RBFOX1: variants seen among roughly 807,000 people sequenced by gnomAD.
RBFOX1 encodes RNA binding fox-1 homolog 1.
A neutral mutation model predicts 57.7 loss-of-function variants in RBFOX1; 8 were observed. The ratio of observed to expected loss-of-function variants is 0.14; its 90% CI spans 0.08 to 0.25. The LOEUF (loss-of-function observed/expected upper bound fraction) is 0.25. Among genes scored for constraint, RBFOX1 ranks in the 10% least tolerant of loss-of-function variants. The probability of loss-of-function intolerance (pLI) is 1.00; values close to 1 mark genes in which losing one functional copy is unlikely to be tolerated. For synonymous variants in RBFOX1, 326 were observed against 222.4 expected (o/e 1.47, Z -4.15); for missense variants, 611 against 548.5 (o/e 1.11, Z -1.14).
intron 5 of RBFOX1, among the ~76,000 whole-genome samples, chr16:7,531,018 G>A (rs1392308775): frequency 6.6e-6 from 1 of 152,120 alleles, no homozygotes; most frequent in Non-Finnish European, 1.5e-5. Flanking sequence ...TCTTTCAGCA[G>A]TAAACCAAGG....
At chr16:6,846,913 T>G (rs1431212641) in intron 3 of RBFOX1, among the ~76,000 whole-genome samples, 1 of 143,804 alleles carries the variant, frequency 7.0e-6, no homozygotes, top group Non-Finnish European at 1.5e-5. Context: ...TAAATTACCC[T>G]AGGAAACAAA....
At chr16:5,792,153 G>T (rs1033689042) in intron 3 of RBFOX1, among the ~76,000 whole-genome samples, 6 of 152,142 alleles carry the variant, frequency 3.9e-5, no homozygotes, top group African/African-American at 1.4e-4. Context: ...CAGTCTAAGG[G>T]GCTGATAAAA....
chr16:5,728,387 G>T (rs2052234068), intron 3 of RBFOX1, among the ~76,000 whole-genome samples: 1 of 152,196 alleles, frequency 6.6e-6, no homozygotes, highest in Admixed American at 6.5e-5. Flanking sequence ...ACTCCTGTGT[G>T]CAAAGGAATG....
intron 4 of RBFOX1, among the ~76,000 whole-genome samples, chr16:7,281,837 C>T (rs2095549816): frequency 6.6e-6 from 1 of 151,980 alleles, no homozygotes; most frequent in African/African-American, 2.4e-5. Flanking sequence ...TCCTCCCTGC[C>T]TTCCTTTCTT....
chr16:7,033,777 G>A (rs747474048), intron 3 of RBFOX1, among the ~76,000 whole-genome samples: 2 of 152,068 alleles, frequency 1.3e-5, no homozygotes, highest in African/African-American at 2.4e-5. Flanking sequence ...GGACCAGCCT[G>A]AGTAACATAG....
chr16:5,733,356 G>A (rs1422888507), intron 3 of RBFOX1, among the ~76,000 whole-genome samples: 1 of 152,156 alleles, frequency 6.6e-6, no homozygotes, highest in African/African-American at 2.4e-5. Context: ...TGGGGGTCCA[G>A]GAAGGCCACT....
chr16:7,536,589 G>A (rs554024521), intron 5 of RBFOX1, among the ~76,000 whole-genome samples: 221 of 152,176 alleles, frequency 1.5e-3, no homozygotes, highest in African/African-American at 4.6e-3. Context: ...GTGAGACTTC[G>A]TCTCAAAAAA....
chr16:7,489,872 T>C (rs2066474862), intron 4 of RBFOX1, among the ~76,000 whole-genome samples: 1 of 152,130 alleles, frequency 6.6e-6, no homozygotes, highest in African/African-American at 2.4e-5. Flanking sequence ...AGATAACATT[T>C]TATTTCCACC....
At chr16:5,856,206 T>TACAC (rs1555547604) in intron 3 of RBFOX1, among the ~76,000 whole-genome samples, 527 of 40,504 alleles carry the variant, frequency 0.013, 27 homozygotes, top group African/African-American at 0.038. Context: ...TATATATATA[T>TACAC]ACATATATAT....
At chr16:6,673,036 A>G (rs1275100989) in intron 3 of RBFOX1, among the ~76,000 whole-genome samples, 1 of 152,216 alleles carries the variant, frequency 6.6e-6, no homozygotes, top group Non-Finnish European at 1.5e-5. Flanking sequence ...GGGGAAAGAC[A>G]GCTCCCTGAA....
At chr16:6,386,419 C>T (rs1403748563) in intron 2 of RBFOX1, among the ~76,000 whole-genome samples, 2 of 152,144 alleles carry the variant, frequency 1.3e-5, no homozygotes, top group Admixed American at 1.3e-4. Flanking sequence ...TGTGTATTGG[C>T]ATGAGGGAGT....
intron 7 of RBFOX1, among the ~76,000 whole-genome samples, chr16:7,588,434 A>T (rs957575747): frequency 6.6e-6 from 1 of 152,202 alleles, no homozygotes; most frequent in African/African-American, 2.4e-5. Context: ...CTATAAGCAG[A>T]CACAGGGGGT....
At chr16:6,745,803 G>A (rs1004632795) in intron 3 of RBFOX1, among the ~76,000 whole-genome samples, 5 of 152,154 alleles carry the variant, frequency 3.3e-5, no homozygotes, top group African/African-American at 1.2e-4. Context: ...GCAAGAAAAG[G>A]AGGTAAAAGG....
At chr16:6,316,754 C>A (rs1442849709) in intron 1 of RBFOX1, among the ~76,000 whole-genome samples, 1 of 152,112 alleles carries the variant, frequency 6.6e-6, no homozygotes, top group Non-Finnish European at 1.5e-5. Flanking sequence ...GCCTCAGTTT[C>A]CTCTTCTGAA....
intron 2 of RBFOX1, among the ~76,000 whole-genome samples, chr16:5,568,221 G>C (rs1375986612): frequency 6.6e-6 from 1 of 152,202 alleles, no homozygotes; most frequent in Non-Finnish European, 1.5e-5. Flanking sequence ...TCAGGTTGCA[G>C]CGTATGGGGG....
intron 4 of RBFOX1, among the ~76,000 whole-genome samples, chr16:7,353,604 A>T (rs1396091011): frequency 6.6e-6 from 1 of 152,246 alleles, no homozygotes; most frequent in African/African-American, 2.4e-5. Flanking sequence ...ATGATATAGC[A>T]TACAATGGGA....
intron 4 of RBFOX1, among the ~76,000 whole-genome samples, chr16:7,081,221 G>C (rs2059145558): frequency 6.6e-6 from 1 of 152,200 alleles, no homozygotes; most frequent in Non-Finnish European, 1.5e-5. Flanking sequence ...TTTTAGTGGA[G>C]GCAGGGTTTC....
intron 5 of RBFOX1, among the ~76,000 whole-genome samples, chr16:7,519,278 G>T (rs1402136098): frequency 6.6e-6 from 1 of 152,128 alleles, no homozygotes; most frequent in Non-Finnish European, 1.5e-5. Flanking sequence ...GATTCATCCA[G>T]GTTGCGGTGT....
intron 3 of RBFOX1, among the ~76,000 whole-genome samples, chr16:7,017,099 C>G (rs551131296): frequency 1.1e-4 from 17 of 152,156 alleles, no homozygotes; most frequent in Admixed American, 6.5e-4. Flanking sequence ...TTTCAAAAGA[C>G]AGATGGTGGC....
Sources: gnomAD v4.1 joint callset for allele counts (sites outside exome capture counted in the v4.1 genomes callset) on GRCh38, gnomAD v4.1.1 for gene constraint, MANE v1.5 for transcripts, NCBI Gene and HGNC (gene_info 2026-07-23, HGNC 2026-07-21) for gene names.